The following APBA1 variants were observed in gnomAD, a reference collection of about 807,000 sequenced individuals.
APBA1 encodes the protein amyloid beta precursor protein binding family A member 1.
In APBA1, 55 loss-of-function variants were observed where a neutral mutation model predicts 86.6. That is an observed-to-expected ratio of 0.64 (90% CI 0.51 to 0.80). The LOEUF (loss-of-function observed/expected upper bound fraction) is 0.80. Among genes scored for constraint, APBA1 ranks in the 30% least tolerant of loss-of-function variants. APBA1 has a pLI of 0.00. For synonymous variants in APBA1, 511 were observed against 493.9 expected, an observed-to-expected ratio of 1.03 and a Z score of -0.46; for missense variants, 1,090 against 1,183.0, an observed-to-expected ratio of 0.92 and a Z score of 1.15.
At chr9:69,616,733 C>G (rs1263627845) in intron 1 of APBA1, among the ~76,000 whole-genome samples, 2 of 152,154 alleles carry the variant, frequency 1.3e-5, no homozygotes, top group Admixed American at 6.5e-5. Flanking sequence ...TCACTTCCTT[C>G]TGATGTGGGA....
chr9:69,510,750 C>T (rs1243479508), intron 2 of APBA1, among the ~76,000 whole-genome samples: 1 of 144,522 alleles, frequency 6.9e-6, no homozygotes, highest in Non-Finnish European at 1.5e-5. Flanking sequence ...CAGAACAGAG[C>T]CCTCAGAAAT....
At chr9:69,441,276 T>C (rs922097356) in intron 10 of APBA1, among the ~76,000 whole-genome samples, 161 bp from the exon 11 acceptor site, 38 of 152,212 alleles carry the variant, frequency 2.5e-4, no homozygotes, top group African/African-American at 9.2e-4. Context: ...GTACAGTCAC[T>C]GCTCGGCTTC....
At chr9:69,550,608 G>A (rs748291725) in intron 1 of APBA1, among the ~76,000 whole-genome samples, 2 of 152,176 alleles carry the variant, frequency 1.3e-5, no homozygotes, top group Admixed American at 6.5e-5. Context: ...TGATAAGCAC[G>A]AGGGATATAA....
intron 1 of APBA1, among the ~76,000 whole-genome samples, chr9:69,631,664 C>T (rs1206168031): frequency 2.0e-5 from 3 of 152,192 alleles, no homozygotes; most frequent in South Asian, 4.1e-4. Flanking sequence ...TCCAAATGTC[C>T]ATCAATGATA....
intron 1 of APBA1, among the ~76,000 whole-genome samples, chr9:69,525,941 G>A (rs183056483): frequency 9.3e-4 from 141 of 151,282 alleles, no homozygotes; most frequent in Non-Finnish European, 1.6e-3. Context: ...ATCTTCAGTC[G>A]AAGTCAAGAA....
chr9:69,454,421 T>C (rs566300319), intron 8 of APBA1, among the ~76,000 whole-genome samples: 200 of 152,316 alleles, frequency 1.3e-3, no homozygotes, highest in Non-Finnish European at 1.8e-3. Context: ...TATGGACCAC[T>C]AGCCATGTGC....
At chr9:69,576,308 C>T (rs1490441521) in intron 1 of APBA1, among the ~76,000 whole-genome samples, 3 of 152,174 alleles carry the variant, frequency 2.0e-5, no homozygotes, top group African/African-American at 7.2e-5. Context: ...GGCGATTCCT[C>T]AGGATCTAGA....
intron 12 of APBA1, 29 bp downstream of exon 12, chr9:69,432,507 C>A: frequency 6.7e-7 from 1 of 1,490,476 alleles, no homozygotes; most frequent in Admixed American, 2.1e-5. Context: ...CGGCCCTCAG[C>A]ACCACCCTCA....
intron 1 of APBA1, among the ~76,000 whole-genome samples, chr9:69,529,656 C>T (rs1836393753): frequency 2.0e-5 from 3 of 152,022 alleles, no homozygotes; most frequent in Admixed American, 2.0e-4. Context: ...TTTGAAGATC[C>T]ACAACCTTTC....
chr9:69,441,893 A>G (rs1256176286), intron 10 of APBA1, among the ~76,000 whole-genome samples: 4 of 152,252 alleles, frequency 2.6e-5, no homozygotes, highest in Non-Finnish European at 4.4e-5. Flanking sequence ...GAGACTATGT[A>G]GAAAGCTTCC....
At chr9:69,475,947 G>T (rs947566015) in intron 3 of APBA1, 101 bp downstream of exon 3, 3 of 909,064 alleles carry the variant, frequency 3.3e-6, no homozygotes, top group African/African-American at 3.2e-5. Context: ...CCAGGGTAAT[G>T]TGGGTCAGGA....
intron 2 of APBA1, among the ~76,000 whole-genome samples, chr9:69,515,537 A>C (rs1836122101): frequency 6.6e-6 from 1 of 152,134 alleles, no homozygotes; most frequent in Admixed American, 6.5e-5. Flanking sequence ...ATATGGCAAC[A>C]GTCCTTCCTC....
At chr9:69,532,112 T>C (rs1030355888) in intron 1 of APBA1, among the ~76,000 whole-genome samples, 1 of 152,188 alleles carries the variant, frequency 6.6e-6, no homozygotes, top group Non-Finnish European at 1.5e-5. Context: ...GGTTCATCAA[T>C]TGTAACAAAT....
chr9:69,526,731 C>G (rs1836348603), intron 1 of APBA1, among the ~76,000 whole-genome samples: 1 of 152,036 alleles, frequency 6.6e-6, no homozygotes. Flanking sequence ...GTCAATTGTT[C>G]TCGGTAGAAT....
At chr9:69,626,085 A>G (rs1822922542) in intron 1 of APBA1, among the ~76,000 whole-genome samples, 1 of 152,172 alleles carries the variant, frequency 6.6e-6, no homozygotes, top group Admixed American at 6.5e-5. Context: ...ATTTTTGTTC[A>G]AGCCTTTAGA....
chr9:69,562,857 A>T (rs933506215), intron 1 of APBA1, among the ~76,000 whole-genome samples: 2 of 152,246 alleles, frequency 1.3e-5, no homozygotes, highest in Admixed American at 6.5e-5. Flanking sequence ...TATTGATTTA[A>T]AAATAAGGAA....
intron 5 of APBA1, among the ~76,000 whole-genome samples, chr9:69,466,012 G>A (rs567612021): frequency 1.1e-3 from 170 of 152,292 alleles, no homozygotes; most frequent in African/African-American, 4.0e-3. Context: ...CACTCTTGAG[G>A]CAGTTGCAAA....
intron 2 of APBA1, among the ~76,000 whole-genome samples, chr9:69,502,525 T>C (rs1251554211): frequency 6.6e-6 from 1 of 152,032 alleles, no homozygotes; most frequent in Non-Finnish European, 1.5e-5. Context: ...TTTAAAAAAA[T>C]TACTCCGGTT....
At chr9:69,469,653 G>C (rs974204445) in intron 4 of APBA1, among the ~76,000 whole-genome samples, 1 of 152,220 alleles carries the variant, frequency 6.6e-6, no homozygotes, top group Non-Finnish European at 1.5e-5. Context: ...TTTTATAGAT[G>C]TGAGATGGAT....
Sources: allele counts gnomAD v4.1 joint callset (sites outside exome capture counted in the v4.1 genomes callset), GRCh38; gene constraint gnomAD v4.1.1; transcripts MANE v1.5; gene names NCBI Gene and HGNC (gene_info 2026-07-23, HGNC 2026-07-21).